CLTCL1: variants seen among roughly 807,000 people sequenced by gnomAD.
The protein encoded by CLTCL1 is clathrin heavy chain like 1, also known as clathrin heavy chain 2.
CLTCL1 carries 159 observed loss-of-function variants against 190.0 expected under a neutral mutation model. The ratio of observed to expected loss-of-function variants is 0.84; its 90% CI spans 0.74 to 0.95. The LOEUF (loss-of-function observed/expected upper bound fraction) is 0.95, where lower values mean the gene tolerates loss of function less well. Among genes scored for constraint, CLTCL1 ranks in the 40% least tolerant of loss-of-function variants. The probability of loss-of-function intolerance (pLI) is 0.00; values close to 1 mark genes in which losing one functional copy is unlikely to be tolerated. For synonymous variants in CLTCL1, 752 were observed against 769.6 expected, an observed-to-expected ratio of 0.98 and a Z score of 0.38; for missense variants, 1,878 against 2,033.4, an observed-to-expected ratio of 0.92 and a Z score of 1.47.
At chr22:19,192,235 T>G (rs1301343270) in intron 26 of CLTCL1, among the ~76,000 whole-genome samples, 2 of 151,936 alleles carry the variant, frequency 1.3e-5, no homozygotes, top group South Asian at 4.1e-4. Flanking sequence ...CCGGCTAATT[T>G]TTTGTATTTT....
chr22:19,276,760 C>G (rs1449390167), intron 1 of CLTCL1, among the ~76,000 whole-genome samples: 1 of 152,116 alleles, frequency 6.6e-6, no homozygotes, highest in African/African-American at 2.4e-5. Flanking sequence ...AGCTCCGCCT[C>G]CCGGGTTCAC....
intron 30 of CLTCL1, 132 bp downstream of exon 30, chr22:19,183,258 G>T: frequency 1.4e-6 from 1 of 718,108 alleles, no homozygotes; most frequent in Non-Finnish European, 2.4e-6. Flanking sequence ...ACTCCTGAAG[G>T]CAGCCAGGGC....
chr22:19,291,543 G>T, intron 1 of CLTCL1, 57 bp downstream of exon 1: 1 of 1,306,996 alleles, frequency 7.7e-7, no homozygotes, highest in Non-Finnish European at 9.8e-7. Flanking sequence ...AAGCCTGGCA[G>T]TCCGGCCCGG....
At chr22:19,258,759 G>T in intron 2 of CLTCL1, 1 of 692,814 alleles carries the variant, frequency 1.4e-6, no homozygotes, top group Middle Eastern at 3.7e-4. Context: ...GATAGTGGAC[G>T]GCAAAGTGGT....
intron 3 of CLTCL1, among the ~76,000 whole-genome samples, chr22:19,243,518 C>G (rs2086319791): frequency 6.6e-6 from 1 of 151,884 alleles, no homozygotes; most frequent in African/African-American, 2.4e-5. Context: ...ACTCGGGAGG[C>G]CAAGGCAGGG....
In CLTCL1 at chr22:19,221,373, C is replaced by A. The variant is rs782065614; in HGVS notation, c.2796+4G>T. 1.3e-6 allele frequency: 2 copies of A among 1,541,118 alleles called. No homozygotes were observed. Among genetic ancestry groups the A allele is most frequent in the Non-Finnish European group, 1.8e-6 (2 of 1,139,388 alleles). ...ATGGGCAGCTCAGCACATCTGCTAC[C>A]CACCTTGATGAGCTCAAGGTCACAC... On this transcript the variant is annotated splice_donor_region_variant and intron_variant, in intron 17 of 32. Transcript: ENST00000427926.
At position 19,188,002 on chromosome 22, in the gene CLTCL1, C is replaced by T. The variant is rs1222985106; in HGVS notation, c.4413G>A (p.Leu1471=). 6.2e-7 allele frequency: 1 copy of T among 1,613,874 alleles called. No homozygotes were observed. The highest frequency in any genetic ancestry group is 1.3e-5 in the African/African-American group (1 of 74,940). ...CCACCTGATAGTCCTCCTCCTCTGT[C>T]AGCAGGTGGTTGAGTGCCTCATTCA... is the stretch of plus-strand genomic sequence containing the variant. ...KSVNEALNHL[L]TEEEDYQGLR... is the part of the protein sequence containing the mutation. The change falls in exon 28 of 33, where the codon CTG becomes CTA. Residue 1471 remains leucine, a synonymous_variant. Transcript: ENST00000427926.
Position 19,222,737 on chromosome 22 carries a change from G to A in CLTCL1, c.2365C>T (p.Leu789=). 6.3e-7 allele frequency: 1 copy of A among 1,598,210 alleles called. No individual in the cohort carries two copies. Among genetic ancestry groups the A allele is most frequent in the East Asian group, 2.3e-5 (1 of 44,264 alleles). Reference sequence around the variant, plus strand: ...TGCAGGTTGTTGCGGTATAAATATAGGACAAGGTCATGGACAAAGCCAAAA... The same window carrying A: ...TGCAGGTTGTTGCGGTATAAATATAAGACAAGGTCATGGACAAAGCCAAAA... ...DRFGFVHDLV[L]YLYRNNLQRY... The change falls in exon 15 of 33, where the codon CTA becomes TTA. Residue 789 remains leucine (L), a synonymous_variant. Transcript: ENST00000427926.
intron 18 of CLTCL1, among the ~76,000 whole-genome samples, chr22:19,217,068 T>TA (rs2145714733): frequency 6.6e-6 from 1 of 152,270 alleles, no homozygotes; most frequent in South Asian, 2.1e-4. Flanking sequence ...TAAAGGAACC[T>TA]AGGGTCAAGG....
At chr22:19,240,039 C>A (rs1555964534) in intron 4 of CLTCL1, among the ~76,000 whole-genome samples, 1 of 151,572 alleles carries the variant, frequency 6.6e-6, no homozygotes, top group South Asian at 2.1e-4. Flanking sequence ...ACCTCTGCCT[C>A]CCGGGTTCAA....
chr22:19,280,909 T>C (rs779226127), intron 1 of CLTCL1, among the ~76,000 whole-genome samples: 17 of 150,268 alleles, frequency 1.1e-4, no homozygotes, highest in South Asian at 6.3e-4. Context: ...GTCAAATCTA[T>C]AGAGACAAAA....
Position 19,225,646 on chromosome 22 carries a change from AAG to A in CLTCL1, c.1948-15_1948-14del, listed in dbSNP as rs1436112239. The stretch of plus-strand genomic sequence containing the variant: ...AATTGACAAGCCACTGGGAACAAGG[AAG>A]AGTCTGTCCACAACGATGCACCACT... On this transcript the variant is annotated splice_polypyrimidine_tract_variant and intron_variant, in intron 12 of 32. Transcript: ENST00000427926. 3.2e-6 allele frequency: 5 copies of A among 1,563,206 alleles called. No homozygotes were observed. Among genetic ancestry groups the A allele is most frequent in the Non-Finnish European group, 4.3e-6 (5 of 1,153,284 alleles).
intron 2 of CLTCL1, among the ~76,000 whole-genome samples, chr22:19,259,809 G>C (rs1174333123): frequency 1.3e-5 from 2 of 152,092 alleles, no homozygotes; most frequent in South Asian, 2.1e-4. Context: ...AGAGTCCTAC[G>C]TCTCTCACTT....
At chr22:19,182,239 A>G (rs1336282704) in intron 30 of CLTCL1, 2 of 152,300 alleles carry the variant, frequency 1.3e-5, no homozygotes, top group Non-Finnish European at 2.9e-5. Context: ...CGCACCAGAC[A>G]CCGCACACCA....
chr22:19,189,036 T>C lies in CLTCL1; in HGVS notation c.4324-945A>G, dbSNP rs143046479. Among the ~76,000 whole-genome samples the C allele has an allele frequency of 6.7e-3, 1,020 of 152,006 alleles. 13 individuals are homozygous for C. Among genetic ancestry groups the C allele is most frequent in the African/African-American group, 0.023 (958 of 41,424 alleles). ...CTCCTGCCTCAGCCTCCTGAGTATC[T>C]GGGATTACAGGTGCGCGCCCACCAC... On this transcript the variant is annotated intron_variant, in intron 27 of 32. Transcript: ENST00000427926.
At chr22:19,232,188 T>C (rs1445739692) in intron 10 of CLTCL1, among the ~76,000 whole-genome samples, 2 of 152,070 alleles carry the variant, frequency 1.3e-5, no homozygotes, top group Non-Finnish European at 2.9e-5. Flanking sequence ...GGCCACGGGA[T>C]GGAGGGCTGG....
chr22:19,245,327 G>A (rs1555967503), intron 3 of CLTCL1, among the ~76,000 whole-genome samples: 1 of 151,524 alleles, frequency 6.6e-6, no homozygotes. Context: ...CTGGGTAACT[G>A]GGACCACAGG....
chr22:19,263,634 T>C (rs1490377961), intron 2 of CLTCL1, among the ~76,000 whole-genome samples: 1 of 152,154 alleles, frequency 6.6e-6, no homozygotes, highest in African/African-American at 2.4e-5. Flanking sequence ...TTAGCCAGGA[T>C]GGTCTTGATC....
At chr22:19,228,139 GCA>G (rs2085809735) in intron 11 of CLTCL1, among the ~76,000 whole-genome samples, 1 of 152,360 alleles carries the variant, frequency 6.6e-6, no homozygotes, top group African/African-American at 2.4e-5. Context: ...TCAGAGTGAT[GCA>G]CAGAGTTGAC....
Sources: allele counts gnomAD v4.1 joint callset (sites outside exome capture counted in the v4.1 genomes callset), GRCh38; gene constraint gnomAD v4.1.1; transcripts MANE v1.5; gene names NCBI Gene and HGNC (gene_info 2026-07-23, HGNC 2026-07-21).